The following XKR9 variants were observed in gnomAD, a reference collection of about 807,000 sequenced individuals.
XKR9 encodes the protein XK related 9.
In XKR9, 32 loss-of-function variants were observed where a neutral mutation model predicts 32.0. That is an observed-to-expected ratio of 1.00 (90% CI 0.76 to 1.34). XKR9 has a LOEUF of 1.34. Among genes scored for constraint, XKR9 ranks in the 40% most tolerant of loss-of-function variants. The pLI, the probability that XKR9 is intolerant of heterozygous loss-of-function variation, is 0.00. For missense variants in XKR9, 546 were observed against 429.7 expected (o/e 1.27, Z -2.39); for synonymous variants, 168 against 143.4 (o/e 1.17, Z -1.22).
the XKR9 span, among the ~76,000 whole-genome samples, chr8:70,900,365 C>T: frequency 2.6e-5 from 4 of 151,914 alleles, no homozygotes; most frequent in South Asian, 2.1e-4. Flanking sequence ...CGAGGTGGGT[C>T]GATCACTTGA....
the XKR9 span, among the ~76,000 whole-genome samples, chr8:70,863,835 C>T: frequency 1.3e-5 from 2 of 152,074 alleles, no homozygotes; most frequent in East Asian, 1.9e-4. Context: ...TAGAATGATG[C>T]CCTCATACTG....
At chr8:70,779,681 G>T (rs1807588469) in intron 2 of XKR9, among the ~76,000 whole-genome samples, 1 of 152,096 alleles carries the variant, frequency 6.6e-6, no homozygotes, top group South Asian at 2.1e-4. Flanking sequence ...GCTTAGTCTT[G>T]GGAGGGTGTG....
chr8:70,862,075 G>A, the XKR9 span, among the ~76,000 whole-genome samples: 5 of 152,170 alleles, frequency 3.3e-5, no homozygotes, highest in African/African-American at 1.2e-4. Flanking sequence ...CACATCACCA[G>A]TGTGATTTAT....
the XKR9 span, among the ~76,000 whole-genome samples, chr8:70,867,194 G>A: frequency 6.6e-6 from 1 of 152,170 alleles, no homozygotes; most frequent in African/African-American, 2.4e-5. Context: ...GAGAACTTGT[G>A]CAGGCAAACT....
the XKR9 span, among the ~76,000 whole-genome samples, chr8:70,871,671 T>C: frequency 6.6e-6 from 1 of 152,146 alleles, no homozygotes; most frequent in Non-Finnish European, 1.5e-5. Flanking sequence ...TGGGCCTTCC[T>C]GTTCCCTGAG....
Position 70,697,407 on chromosome 8 carries a change from T to A in XKR9, c.273-9526T>A, listed in dbSNP as rs1321646293. On this transcript the variant is annotated intron_variant, in intron 3 of 4. Coordinates refer to ENST00000408926, the MANE Select transcript of XKR9 (RefSeq NM_001011720.2). ...TTTTAGCATGAAGCGTTGTTGAATTTTGTCAAAGGCCTTTTCTGCATCTAT... is the reference window on the plus strand; with the variant it reads ...TTTTAGCATGAAGCGTTGTTGAATTATGTCAAAGGCCTTTTCTGCATCTAT... Among the ~76,000 whole-genome samples, 6 of 151,944 alleles carry A rather than the reference T, an allele frequency of 3.9e-5. No homozygotes were observed. The East Asian group carries it at 1.2e-3, about 29-fold the overall frequency.
chr8:70,947,999 C>A, the XKR9 span, among the ~76,000 whole-genome samples: 3 of 152,146 alleles, frequency 2.0e-5, no homozygotes, highest in African/African-American at 7.2e-5. Flanking sequence ...AAGCTTGAAG[C>A]AGCAGATTTT....
the XKR9 span, among the ~76,000 whole-genome samples, chr8:70,944,256 A>T: frequency 6.6e-6 from 1 of 152,212 alleles, no homozygotes; most frequent in Non-Finnish European, 1.5e-5. Context: ...CTTTATAAGC[A>T]ATTGATATCT....
At chr8:70,861,846 T>C in the XKR9 span, among the ~76,000 whole-genome samples, 16 of 152,216 alleles carry the variant, frequency 1.1e-4, no homozygotes, top group Admixed American at 2.0e-4. Flanking sequence ...TTGTTATTTT[T>C]TGTGGCTTAG....
At chr8:70,751,132 G>C (rs774351803) in intron 2 of XKR9, among the ~76,000 whole-genome samples, 6 of 152,198 alleles carry the variant, frequency 3.9e-5, no homozygotes, top group Non-Finnish European at 7.4e-5. Flanking sequence ...AATTGTGATA[G>C]TTATTATTAT....
At chr8:70,764,318 C>A (rs1807346787) in intron 2 of XKR9, among the ~76,000 whole-genome samples, 2 of 152,150 alleles carry the variant, frequency 1.3e-5, no homozygotes, top group Admixed American at 1.3e-4. Context: ...GGGCCAAAAA[C>A]CTCTTTTACT....
the XKR9 span, among the ~76,000 whole-genome samples, chr8:70,857,786 C>T: frequency 1.4e-3 from 213 of 152,274 alleles, no homozygotes; most frequent in Admixed American, 1.9e-3. Context: ...TGGGCTTCAT[C>T]CCTAGGATGC....
the XKR9 span, among the ~76,000 whole-genome samples, chr8:71,053,870 A>T: frequency 0.021 from 3,252 of 152,294 alleles, 82 homozygotes; most frequent in East Asian, 0.1. Flanking sequence ...CTCCTCTCTT[A>T]GAACACTAGC....
At chr8:70,758,431 G>A (rs1044338453) in intron 2 of XKR9, among the ~76,000 whole-genome samples, 1 of 152,132 alleles carries the variant, frequency 6.6e-6, no homozygotes, top group African/African-American at 2.4e-5. Flanking sequence ...AAGTTTCTGA[G>A]GTCAATGTAT....
the XKR9 span, among the ~76,000 whole-genome samples, chr8:70,828,721 A>T: frequency 8.3e-6 from 1 of 120,116 alleles, no homozygotes; most frequent in Non-Finnish European, 2.0e-5. Context: ...ACTATGTCTC[A>T]AAAAAAAAGA....
At chr8:70,821,692 G>C in the XKR9 span, among the ~76,000 whole-genome samples, 4 of 152,170 alleles carry the variant, frequency 2.6e-5, no homozygotes, top group Non-Finnish European at 4.4e-5. Flanking sequence ...AAGGCTTGGG[G>C]CTTGCACCCT....
At chr8:70,960,998 T>A in the XKR9 span, among the ~76,000 whole-genome samples, 1,467 of 152,212 alleles carry the variant, frequency 9.6e-3, 12 homozygotes, top group Middle Eastern at 0.051. Context: ...GGCGAAACCC[T>A]GTCTCTACCA....
chr8:70,791,812 T>C (rs1807767465), downstream of XKR9, among the ~76,000 whole-genome samples: 1 of 152,110 alleles, frequency 6.6e-6, no homozygotes, highest in South Asian at 2.1e-4. Flanking sequence ...AATTTTTGGA[T>C]TGTATAAAAT....
the XKR9 span, among the ~76,000 whole-genome samples, chr8:70,815,416 T>A: frequency 2.0e-5 from 3 of 152,208 alleles, no homozygotes; most frequent in Admixed American, 6.5e-5. Context: ...AGTGAGAACA[T>A]GTGGTATTTG....
Sources: gnomAD v4.1 joint callset for allele counts (sites outside exome capture counted in the v4.1 genomes callset) on GRCh38, gnomAD v4.1.1 for gene constraint, MANE v1.5 for transcripts, NCBI Gene and HGNC (gene_info 2026-07-23, HGNC 2026-07-21) for gene names.